The following DSEL variants were observed in gnomAD, a reference collection of about 807,000 sequenced individuals.
DSEL encodes dermatan sulfate epimerase like.
Under a neutral mutation model 96.6 loss-of-function variants are expected in DSEL, and 61 were observed. That is an observed-to-expected ratio of 0.63 (90% confidence interval 0.51 to 0.78). The LOEUF (loss-of-function observed/expected upper bound fraction) is 0.78, where lower values mean the gene tolerates loss of function less well. Ranked by LOEUF, DSEL falls within the 30% of genes least tolerant of loss-of-function variation. The probability of loss-of-function intolerance (pLI) is 0.00; values close to 1 mark genes in which losing one functional copy is unlikely to be tolerated. For missense variants in DSEL, 1,320 were observed against 1,430.8 expected, an observed-to-expected ratio of 0.92 and a Z score of 1.25; for synonymous variants, 514 against 502.0, an observed-to-expected ratio of 1.02 and a Z score of -0.32.
chr18:67,514,126 C>T lies in DSEL; in HGVS notation c.483G>A (p.Glu161=). 6.2e-7 allele frequency: 1 copy of T among 1,614,186 alleles called. No homozygotes were observed. The highest frequency in any genetic ancestry group is 8.5e-7 in the Non-Finnish European group (1 of 1,180,030). ...RMVGYKDWLV[E]NAPGDEVPIG... ...TTGGAACCTCATCTCCTGGTGCATT[C>T]TCTACTAGCCAGTCTTTGTAGCCAA... The change falls in exon 2 of 2, where the codon GAG becomes GAA. Residue 161 remains glutamate (E), a synonymous_variant. Coordinates refer to ENST00000310045, the MANE Select transcript of DSEL (RefSeq NM_032160.3).
intron 1 of DSEL, among the ~76,000 whole-genome samples, chr18:67,515,851 T>C (rs536088071): frequency 4.6e-5 from 7 of 152,334 alleles, no homozygotes; most frequent in African/African-American, 1.7e-4. Flanking sequence ...ATCCTTGTTA[T>C]TTCTTGTTCC....
Position 67,511,750 on chromosome 18 carries a change from C to T in DSEL, c.2859G>A (p.Met953Ile). 2 of 1,614,108 alleles carry T rather than the reference C, an allele frequency of 1.2e-6. No individual in the cohort carries two copies. The highest frequency in any genetic ancestry group is 1.7e-6 in the Non-Finnish European group (2 of 1,180,016). Residue 953 changes from methionine (M) to isoleucine (I), a missense_variant, in exon 2 of 2, where the codon ATG becomes ATA. By Grantham distance (10) the Met-to-Ile change is conservative. Coordinates refer to ENST00000310045, the MANE Select transcript of DSEL (RefSeq NM_032160.3). ...NRGKLAQYFA[M>I]NKDKKRKFKR... is the part of the protein sequence containing the mutation. ...TAAATTTTCTTTTTTTGTCCTTATT[C>T]ATTGCAAAATATTGGGCCAGTTTAC...
chr18:67,514,726 C>A lies in DSEL; in HGVS notation c.-118G>T. The stretch of plus-strand genomic sequence containing the variant: ...CCTTGATAAGACAAAGACTGTAAAT[C>A]TGATATGCTGTGAAATCCAGCTGAC... On this transcript the variant is annotated 5_prime_UTR_variant, in exon 2 of 2. Transcript: ENST00000310045. 8.7e-7 allele frequency: 1 copy of A among 1,154,070 alleles called. No individual in the cohort carries two copies. Among genetic ancestry groups the A allele is most frequent in the Non-Finnish European group, 1.2e-6 (1 of 810,872 alleles). 71.5% of individuals were successfully genotyped at this position (1,154,070 alleles called of 1,614,324 possible).
In DSEL at chr18:67,511,834, A is replaced by C. The variant is rs745567463; in HGVS notation, c.2775T>G (p.Ser925=). 1 of 1,614,220 alleles carries C rather than the reference A, an allele frequency of 6.2e-7. No homozygotes were observed. Among genetic ancestry groups the C allele is most frequent in the East Asian group, 2.2e-5 (1 of 44,878 alleles). Residue 925 remains serine (S), a synonymous_variant, in exon 2 of 2, where the codon TCT becomes TCG. Coordinates refer to ENST00000310045, the MANE Select transcript of DSEL (RefSeq NM_032160.3). The part of the protein sequence containing the change: ...HFRLLRGWLQ[S]LVQDTKLHLQ... ...AATGTAATTTTGTGTCCTGGACTAA[A>C]GACTGCAACCAGCCTCGGAGTAAAC...
At position 67,510,111 on chromosome 18, in the gene DSEL, C is replaced by G. The variant is rs528667088; in HGVS notation, c.*859G>C. 6.6e-5 allele frequency: 10 copies of G among 152,246 alleles called. No homozygotes were observed. The highest frequency in any genetic ancestry group is 6.8e-3 in the Middle Eastern group (2 of 294). The allele number at this position is 152,246 out of a possible 1,614,324, so 9.4% of individuals were successfully genotyped here. A position where few individuals can be genotyped will look rare whatever the true frequency, so the allele number is the denominator to read the frequency against. ...AATCAACTGGGGGGAAAATGCCCCA[C>G]AATATTGAGAGTTCAGCGATTAGTA... On this transcript the variant is annotated 3_prime_UTR_variant, in exon 2 of 2. Transcript: ENST00000310045.
rs191684665 is a variant in DSEL, at chr18:67,515,119, C to G, written c.-511G>C. 1 of 168,688 alleles carries G rather than the reference C, an allele frequency of 5.9e-6. No homozygotes were observed. 10.4% of individuals were successfully genotyped at this position (168,688 alleles called of 1,614,324 possible). ...AAGATGATGAAGTACTGACATTCTT[C>G]GAGTGAGTGGACTCAGTTGTCATTC... On this transcript the variant is annotated 5_prime_UTR_variant, in exon 2 of 2. Coordinates refer to ENST00000310045, the MANE Select transcript of DSEL (RefSeq NM_032160.3).
chr18:67,511,265 GTATT>G lies in DSEL; in HGVS notation c.3340_3343del (p.Asn1114GlnfsTer40). ...CTGGTAGCTAGTAGGCAGCAAATCT[GTATT>G]TATTCTCAAGGCTGCTGCTGTATTT... On this transcript the variant is annotated frameshift_variant, in exon 2 of 2. Coordinates refer to ENST00000310045, the MANE Select transcript of DSEL (RefSeq NM_032160.3). LOFTEE classifies it high-confidence loss of function. 1 of 1,611,716 alleles carries G rather than the reference GTATT, an allele frequency of 6.2e-7. No homozygotes were observed. The highest frequency in any genetic ancestry group is 8.5e-7 in the Non-Finnish European group (1 of 1,179,992).
chr18:67,513,591 G>A lies in DSEL; in HGVS notation c.1018C>T (p.Pro340Ser). ...TCCAAGAAAACTAGCTGGCTTTCTG[G>A]ACCATAAAACCAATTATAATTGGAA... Reference protein sequence around the residue: ...ADSNYNWFYGPESQLVFLDKF... With the variant: ...ADSNYNWFYGSESQLVFLDKF... The change falls in exon 2 of 2, where the codon CCA becomes TCA. Residue 340 changes from proline to serine, a missense_variant. By Grantham distance (74) the Pro-to-Ser change is moderately conservative. Transcript: ENST00000310045. 1 of 1,614,140 alleles carries A rather than the reference G, an allele frequency of 6.2e-7. No individual in the cohort carries two copies.
In DSEL at chr18:67,513,019, G is replaced by A. The variant is rs776315329; in HGVS notation, c.1590C>T (p.Gly530=). The change falls in exon 2 of 2, where the codon GGC becomes GGT. Residue 530 remains glycine, a synonymous_variant. Coordinates refer to ENST00000310045, the MANE Select transcript of DSEL (RefSeq NM_032160.3). ...CCCCAGCTGCATCACCAACCTCCTC[G>A]CCAGTCCACTTAAGCCACTGCGCAC... The part of the protein sequence containing the change: ...GECAQWLKWT[G]EEVGDAAGEI... 6 of 1,614,002 alleles carry A rather than the reference G, an allele frequency of 3.7e-6. No individual in the cohort carries two copies. The Admixed American group carries it at 6.7e-5, about 18-fold the overall frequency.
Position 67,513,032 on chromosome 18 carries a change from A to C in DSEL, c.1577T>G (p.Leu526Arg). The C allele has an allele frequency of 6.2e-7, 1 of 1,614,184 alleles. No individual in the cohort carries two copies. The highest frequency in any genetic ancestry group is 1.1e-5 in the South Asian group (1 of 91,084). The change falls in exon 2 of 2, where the codon CTT becomes CGT. Residue 526 changes from leucine (L) to arginine (R), a missense_variant. Physicochemically the swap from Leu to Arg is moderately radical, Grantham distance 102. Transcript: ENST00000310045. Reference sequence around the variant, plus strand: ...ACCAACCTCCTCGCCAGTCCACTTAAGCCACTGCGCACATTCTCCCAGTTG... The same window carrying C: ...ACCAACCTCCTCGCCAGTCCACTTACGCCACTGCGCACATTCTCCCAGTTG... The part of the protein sequence containing the change: ...EGQLGECAQW[L>R]KWTGEEVGDA...
rs1020094260 is a variant in DSEL, at chr18:67,513,350, T to C, written c.1259A>G (p.Tyr420Cys). 2 of 1,614,010 alleles carry C rather than the reference T, an allele frequency of 1.2e-6. No homozygotes were observed. ...CTGTGTGTTTGGCAACCCAGCCCCA[T>C]AAGTAACCACACCCCAGTTAGGGAA... ...HTFPNWGVVT[Y>C]GAGLPNTQTN... Residue 420 changes from tyrosine to cysteine, a missense_variant, in exon 2 of 2, where the codon TAT (tyrosine) becomes TGT (cysteine). Coordinates refer to ENST00000310045, the MANE Select transcript of DSEL (RefSeq NM_032160.3).
Position 67,512,996 on chromosome 18 carries a change from C to T in DSEL, c.1613G>A (p.Gly538Glu), listed in dbSNP as rs2089452950. The T allele has an allele frequency of 6.2e-7, 1 of 1,614,052 alleles. No individual in the cohort carries two copies. Among genetic ancestry groups the T allele is most frequent in the Non-Finnish European group, 8.5e-7 (1 of 1,180,052 alleles). ...WTGEEVGDAA[G>E]EIITASQHGE... is the part of the protein sequence containing the mutation. Reference sequence around the variant, plus strand: ...ATGTTGAGAGGCAGTGATTATTTCCCCAGCTGCATCACCAACCTCCTCGCC... The same window carrying T: ...ATGTTGAGAGGCAGTGATTATTTCCTCAGCTGCATCACCAACCTCCTCGCC... The change falls in exon 2 of 2, where the codon GGG becomes GAG. Residue 538 changes from glycine (G) to glutamate (E), a missense_variant. Physicochemically the swap from Gly to Glu is moderately conservative, Grantham distance 98 (BLOSUM62 -2). Coordinates refer to ENST00000310045, the MANE Select transcript of DSEL (RefSeq NM_032160.3).
rs138447200 is a variant in DSEL, at chr18:67,511,144, G to A, written c.3465C>T (p.Asn1155=). 8 of 1,614,024 alleles carry A rather than the reference G, an allele frequency of 5.0e-6. No homozygotes were observed. Among genetic ancestry groups the A allele is most frequent in the Non-Finnish European group, 6.8e-6 (8 of 1,180,028 alleles). The change falls in exon 2 of 2, where the codon AAC becomes AAT. Residue 1155 remains asparagine, a synonymous_variant. Transcript: ENST00000310045. ...TTGTAGAGGTGGCAAACAATATTTG[G>A]TTTAAACTAGCAGGAGACAAAGGAA... ...LGIPLSPASL[N]QILFATSTNL...
chr18:67,510,937 T>C lies in DSEL; in HGVS notation c.*33A>G. 6.5e-7 allele frequency: 1 copy of C among 1,529,170 alleles called. No individual in the cohort carries two copies. The highest frequency in any genetic ancestry group is 8.8e-7 in the Non-Finnish European group (1 of 1,141,426). 94.7% of individuals were successfully genotyped at this position (1,529,170 alleles called of 1,614,324 possible). ...TATCCACAAAGTGGGTTGGTAAGTA[T>C]TATTAGTGCAAATTTCTGCTGACCT... On this transcript the variant is annotated 3_prime_UTR_variant, in exon 2 of 2. Transcript: ENST00000310045.
At position 67,514,587 on chromosome 18, in the gene DSEL, G is replaced by A. The variant is rs757467600; in HGVS notation, c.22C>T (p.His8Tyr). 2 of 1,614,116 alleles carry A rather than the reference G, an allele frequency of 1.2e-6. No homozygotes were observed. Among genetic ancestry groups the A allele is most frequent in the African/African-American group, 1.3e-5 (1 of 75,036 alleles). MALMFTG[H>Y]LLFLALLMFA... ...ATCAATAATGCTAAGAATAGTAAATGTCCTGTAAACATTAACGCCATGATC... is the reference window on the plus strand; with the variant it reads ...ATCAATAATGCTAAGAATAGTAAATATCCTGTAAACATTAACGCCATGATC... Residue 8 changes from histidine (H) to tyrosine (Y), a missense_variant, in exon 2 of 2, where the codon CAT (histidine) becomes TAT (tyrosine). By Grantham distance (83) the His-to-Tyr change is moderately conservative. Coordinates refer to ENST00000310045, the MANE Select transcript of DSEL (RefSeq NM_032160.3).
rs1351639762 is a variant in DSEL, at chr18:67,510,887, A to T, written c.*83T>A. On this transcript the variant is annotated 3_prime_UTR_variant, in exon 2 of 2. Transcript: ENST00000310045. The stretch of plus-strand genomic sequence containing the variant: ...GCGTGCACACACACACACACACTAA[A>T]GAATAAACAAACTCTTCTGATTCAT... 6.8e-6 allele frequency: 8 copies of T among 1,172,120 alleles called. No homozygotes were observed. The highest frequency in any genetic ancestry group is 9.6e-6 in the Non-Finnish European group (8 of 834,032). The allele number at this position is 1,172,120 out of a possible 1,614,324, so 72.6% of individuals were successfully genotyped here. A position where few individuals can be genotyped will look rare whatever the true frequency, so the allele number is the denominator to read the frequency against.
chr18:67,511,322 A>C lies in DSEL; in HGVS notation c.3287T>G (p.Val1096Gly). ...KELSKSKSNA[V>G]SLLSHLWLAN... ...TAGCCACAAGTGAGACAAGAGGGAC[A>C]CTGCATTTGATTTGGATTTTGATAA... is the stretch of plus-strand genomic sequence containing the variant. Residue 1096 changes from valine to glycine, a missense_variant, in exon 2 of 2, where the codon GTG becomes GGG. Around this residue, in one of 3 missense-constraint regions of DSEL, gnomAD observed 986 missense variants for 1,066.4 expected, o/e 0.92. Transcript: ENST00000310045. The C allele has an allele frequency of 1.2e-6, 2 of 1,606,902 alleles. No individual in the cohort carries two copies. Among genetic ancestry groups the C allele is most frequent in the South Asian group, 1.1e-5 (1 of 91,080 alleles).
chr18:67,514,932 T>C lies in DSEL; in HGVS notation c.-324A>G, dbSNP rs1258740974. ...CACTATGAATTTAGCATTTACCTCC[T>C]TTACTTAAATCTATTTAACACAAAG... On this transcript the variant is annotated 5_prime_UTR_variant, in exon 2 of 2. Transcript: ENST00000310045. 1 of 349,004 alleles carries C rather than the reference T, an allele frequency of 2.9e-6. No homozygotes were observed. The highest frequency in any genetic ancestry group is 5.4e-6 in the Non-Finnish European group (1 of 185,662). 21.6% of individuals were successfully genotyped at this position (349,004 alleles called of 1,614,324 possible).
rs1211837502 is a variant in DSEL, at chr18:67,512,082, A to C, written c.2527T>G (p.Leu843Val). Reference sequence around the variant, plus strand: ...TCCATGTGGTGCCCTTCAGAAGACAAAGACTTCTTGCTTCCCTCAGCCTCT... The same window carrying C: ...TCCATGTGGTGCCCTTCAGAAGACACAGACTTCTTGCTTCCCTCAGCCTCT... ...RTEAEGSKKS[L>V]SSEGHHMDLP... Residue 843 changes from leucine to valine, a missense_variant, in exon 2 of 2, where the codon TTG (leucine) becomes GTG (valine). Physicochemically the swap from Leu to Val is conservative, Grantham distance 32. This residue lies in a region of DSEL where 986 missense variants were observed against 1,066.4 expected (regional missense o/e 0.92). Coordinates refer to ENST00000310045, the MANE Select transcript of DSEL (RefSeq NM_032160.3). 6.2e-7 allele frequency: 1 copy of C among 1,614,030 alleles called. No individual in the cohort carries two copies. The highest frequency in any genetic ancestry group is 8.5e-7 in the Non-Finnish European group (1 of 1,180,040).
Sources: gnomAD v4.1 joint callset for allele counts (sites outside exome capture counted in the v4.1 genomes callset) on GRCh38, gnomAD v4.1.1 for gene constraint, gnomAD v4.1.1 regional missense constraint, MANE v1.5 for transcripts, NCBI Gene and HGNC (gene_info 2026-07-23, HGNC 2026-07-21) for gene names.